The following ANAPC10 variants were observed in gnomAD, a reference collection of about 807,000 sequenced individuals.
ANAPC10 encodes the protein anaphase-promoting complex subunit 10.
A neutral mutation model predicts 22.0 loss-of-function variants in ANAPC10; 12 were observed. That is an observed-to-expected ratio of 0.55 (90% CI 0.35 to 0.88). ANAPC10 has a LOEUF of 0.88. Ranked by LOEUF, ANAPC10 falls within the 40% of genes least tolerant of loss-of-function variation. The pLI is 0.01. For synonymous variants in ANAPC10, 65 were observed against 69.5 expected (o/e 0.94, Z 0.32); for missense variants, 188 against 220.9 (o/e 0.85, Z 0.94).
At chr4:145,021,464 C>T (rs1735947011) in intron 4 of ANAPC10, among the ~76,000 whole-genome samples, 1 of 152,086 alleles carries the variant, frequency 6.6e-6, no homozygotes, top group Non-Finnish European at 1.5e-5. Flanking sequence ...GGATAACTGG[C>T]TAGACACATA....
chr4:145,044,561 T>C (rs1740009855), intron 4 of ANAPC10, among the ~76,000 whole-genome samples: 1 of 152,076 alleles, frequency 6.6e-6, no homozygotes, highest in Non-Finnish European at 1.5e-5. Flanking sequence ...CATAACAGTT[T>C]CTTCTGGGGT....
intron 4 of ANAPC10, among the ~76,000 whole-genome samples, chr4:145,000,302 A>G (rs900138336): frequency 3.9e-5 from 6 of 152,106 alleles, no homozygotes; most frequent in Non-Finnish European, 8.8e-5. Flanking sequence ...AAAGCAATAT[A>G]CCCATCTGAC....
At chr4:145,059,868 A>G (rs781781651) in intron 4 of ANAPC10, among the ~76,000 whole-genome samples, 23 of 152,090 alleles carry the variant, frequency 1.5e-4, no homozygotes. Context: ...AAAATCTCAC[A>G]CATTATTTTT....
intron 4 of ANAPC10, among the ~76,000 whole-genome samples, chr4:144,997,629 C>T (rs929251767): frequency 1.3e-5 from 2 of 152,120 alleles, no homozygotes; most frequent in African/African-American, 4.8e-5. Context: ...CAAAAACAGG[C>T]CAAATTGTAA....
chr4:145,052,650 A>G (rs1168187965), intron 4 of ANAPC10, among the ~76,000 whole-genome samples: 2 of 152,290 alleles, frequency 1.3e-5, no homozygotes, highest in East Asian at 1.9e-4. Context: ...CTATAATCCC[A>G]GCATTTTGCG....
intron 3 of ANAPC10, among the ~76,000 whole-genome samples, chr4:145,065,890 G>A (rs1437271868): frequency 2.6e-5 from 4 of 151,782 alleles, no homozygotes; most frequent in African/African-American, 7.3e-5. Flanking sequence ...CGTGGGATGG[G>A]ACCATAGGAG....
chr4:145,033,598 A>G (rs1416811676), intron 4 of ANAPC10, among the ~76,000 whole-genome samples: 2 of 152,230 alleles, frequency 1.3e-5, no homozygotes, highest in African/African-American at 4.8e-5. Flanking sequence ...TAATATTACT[A>G]TGCCCTGTGA....
rs531720742 is a variant in ANAPC10, at chr4:144,994,929, GA to G, written c.*443del. The stretch of plus-strand genomic sequence containing the variant: ...TAAAAGAATAACCTTCCTCTGGGTA[GA>G]AAAAATAGTAATTTTGACCTATTAA... On this transcript the variant is annotated 3_prime_UTR_variant, in exon 5 of 5. Transcript: ENST00000507656. 6.5e-6 allele frequency: 1 copy of G among 153,438 alleles called. No homozygotes were observed. Among genetic ancestry groups the G allele is most frequent in the African/African-American group, 2.4e-5 (1 of 41,416 alleles). The allele number at this position is 153,438 out of a possible 1,614,324, so 9.5% of individuals were successfully genotyped here.
At chr4:144,997,495 T>A (rs1197547284) in intron 4 of ANAPC10, among the ~76,000 whole-genome samples, 2 of 152,152 alleles carry the variant, frequency 1.3e-5, no homozygotes, top group Non-Finnish European at 2.9e-5. Flanking sequence ...CTAAGCTTCA[T>A]AAGTGAAGGA....
chr4:145,073,667 A>T (rs1033815349), intron 3 of ANAPC10, among the ~76,000 whole-genome samples: 8 of 152,094 alleles, frequency 5.3e-5, no homozygotes, highest in Non-Finnish European at 8.8e-5. Context: ...CAGGTTTTTT[A>T]AAATTTATAA....
At chr4:145,083,928 T>C (rs1428890603) in intron 2 of ANAPC10, among the ~76,000 whole-genome samples, 5 of 152,188 alleles carry the variant, frequency 3.3e-5, no homozygotes, top group Non-Finnish European at 7.4e-5. Flanking sequence ...TTCAATAAAC[T>C]TAGGTCTTTT....
intron 4 of ANAPC10, among the ~76,000 whole-genome samples, chr4:145,041,027 A>G (rs957943542): frequency 1.3e-5 from 2 of 152,204 alleles, no homozygotes; most frequent in Non-Finnish European, 2.9e-5. Flanking sequence ...TATATTAAAA[A>G]AAACAACTGA....
chr4:145,083,220 T>C (rs1746345619), intron 2 of ANAPC10, among the ~76,000 whole-genome samples: 1 of 152,220 alleles, frequency 6.6e-6, no homozygotes. Flanking sequence ...AAACATTTTA[T>C]ATATGTTAAA....
chr4:145,050,043 T>C (rs1437506716), intron 4 of ANAPC10, among the ~76,000 whole-genome samples: 2 of 152,228 alleles, frequency 1.3e-5, no homozygotes, highest in Non-Finnish European at 2.9e-5. Context: ...CAGTAACATC[T>C]AGAATGGTAA....
intron 4 of ANAPC10, among the ~76,000 whole-genome samples, chr4:145,017,376 T>C (rs1735337756): frequency 6.6e-6 from 1 of 152,148 alleles, no homozygotes; most frequent in Admixed American, 6.5e-5. Context: ...AAAATGCTCA[T>C]CATCACTGGT....
rs538801359 is a variant in ANAPC10 at position 145,097,574 on chromosome 4, CA to C, written c.-13+545del. 1.3e-5 allele frequency: 17 copies of C among 1,277,974 alleles called. No homozygotes were observed. The African/African-American group carries it at 2.4e-4, about 18-fold the overall frequency. The allele number at this position is 1,277,974 out of a possible 1,614,324, so 79.2% of individuals were successfully genotyped here. ...GCACTTGATACTTACTAAATAACGG[CA>C]GACACAACGGACTGTAAACTTTGGC... On this transcript the variant is annotated intron_variant, in intron 1 of 4. Coordinates refer to ENST00000507656, the MANE Select transcript of ANAPC10 (RefSeq NM_001256706.2).
intron 2 of ANAPC10, among the ~76,000 whole-genome samples, chr4:145,093,566 T>TAAAAAAA (rs555328119): frequency 7.2e-6 from 1 of 138,220 alleles, no homozygotes; most frequent in Non-Finnish European, 1.6e-5. Context: ...AGTAAGATGT[T>TAAAAAAA]AAAAAAAAAA....
At chr4:145,000,581 C>A (rs1196468228) in intron 4 of ANAPC10, among the ~76,000 whole-genome samples, 1 of 152,164 alleles carries the variant, frequency 6.6e-6, no homozygotes, top group African/African-American at 2.4e-5. Flanking sequence ...GAAATAGGAA[C>A]ACTTTTACAC....
At chr4:145,087,579 C>A (rs1373513170) in intron 2 of ANAPC10, among the ~76,000 whole-genome samples, 1 of 152,168 alleles carries the variant, frequency 6.6e-6, no homozygotes, top group Admixed American at 6.5e-5. Flanking sequence ...TGGCTATATA[C>A]ATTTAAACGA....
Sources: allele counts gnomAD v4.1 joint callset (sites outside exome capture counted in the v4.1 genomes callset), GRCh38; gene constraint gnomAD v4.1.1; transcripts MANE v1.5; gene names NCBI Gene and HGNC (gene_info 2026-07-23, HGNC 2026-07-21).